The following BIRC6 variants were observed in gnomAD, a reference collection of about 807,000 sequenced individuals.
BIRC6 encodes the protein baculoviral IAP repeat containing 6, also known as dual E2 ubiquitin-conjugating enzyme/E3 ubiquitin-protein ligase BIRC6.
Under a neutral mutation model 503.3 loss-of-function variants are expected in BIRC6, and 98 were observed. The ratio of observed to expected loss-of-function variants is 0.19; its 90% confidence interval spans 0.17 to 0.23. BIRC6 has a LOEUF of 0.23. Ranked by LOEUF, BIRC6 falls within the 10% of genes least tolerant of loss-of-function variation. BIRC6 has a pLI of 1.00. For synonymous variants in BIRC6, 2,240 were observed against 2,078.7 expected (o/e 1.08, Z -2.11); for missense variants, 5,360 against 5,806.0 (o/e 0.92, Z 2.50).
At chr2:32,542,673 A>C (rs2057760493) in intron 61 of BIRC6, among the ~76,000 whole-genome samples, 1 of 152,246 alleles carries the variant, frequency 6.6e-6, no homozygotes, top group Non-Finnish European at 1.5e-5. Context: ...AAGATGTTTA[A>C]ATAGTCTCAA....
chr2:32,384,621 T>C (rs1474076941), intron 3 of BIRC6, among the ~76,000 whole-genome samples: 2 of 152,168 alleles, frequency 1.3e-5, no homozygotes, highest in Non-Finnish European at 2.9e-5. Flanking sequence ...CTGTTCCCCC[T>C]GGGAAATGAC....
At chr2:32,611,397 T>C in intron 72 of BIRC6, 51 bp from the exon 73 acceptor site, 1 of 1,502,358 alleles carries the variant, frequency 6.7e-7, no homozygotes, top group Non-Finnish European at 9.0e-7. Flanking sequence ...TACTGTGTCT[T>C]TTAAATTTGA....
At chr2:32,469,147 T>C (rs1393344807) in intron 29 of BIRC6, among the ~76,000 whole-genome samples, 1 of 152,174 alleles carries the variant, frequency 6.6e-6, no homozygotes, top group Non-Finnish European at 1.5e-5. Context: ...GCTCACACAT[T>C]CACTGACACA....
At chr2:32,426,140 C>T (rs1378920792) in intron 10 of BIRC6, among the ~76,000 whole-genome samples, 3 of 152,166 alleles carry the variant, frequency 2.0e-5, no homozygotes, top group East Asian at 1.9e-4. Context: ...CACTGGTCCC[C>T]GTGTTGATTC....
chr2:32,524,882 T>C lies in BIRC6; in HGVS notation c.11624-6T>C. On this transcript the variant is annotated splice_polypyrimidine_tract_variant and splice_region_variant and intron_variant, in intron 57 of 73. Transcript: ENST00000421745. ...GCAGTGTATTTTAGATAATATCTTC[T>C]TACAGATACTCCAAGTATCACAGCT... 2 of 1,433,576 alleles carry C rather than the reference T, an allele frequency of 1.4e-6. No individual in the cohort carries two copies. Among genetic ancestry groups the C allele is most frequent in the East Asian group, 2.6e-5 (1 of 39,024 alleles). The allele number at this position is 1,433,576 out of a possible 1,614,324, so 88.8% of individuals were successfully genotyped here.
chr2:32,590,373 C>T (rs1158032281), intron 66 of BIRC6, among the ~76,000 whole-genome samples: 1 of 152,128 alleles, frequency 6.6e-6, no homozygotes, highest in East Asian at 1.9e-4. Context: ...CTTCAAATGG[C>T]TCTCCTTTTT....
chr2:32,378,071 G>A (rs72798765), intron 2 of BIRC6, among the ~76,000 whole-genome samples: 3,139 of 152,094 alleles, frequency 0.021, 54 homozygotes, highest in Non-Finnish European at 0.029. Context: ...ATAGTCCAGG[G>A]CTAAGTGTAT....
Position 32,415,022 on chromosome 2 carries a change from T to G in BIRC6, c.1731T>G (p.Ser577=). The change falls in exon 10 of 74, where the codon TCT becomes TCG. Residue 577 remains serine (S), a synonymous_variant. Transcript: ENST00000421745. The part of the protein sequence containing the change: ...LLAGGLLTYK[S]PATSPISSNS... ...CTGGAGGTTTATTAACATATAAATC[T>G]CCTGCTACCTCACCCATTAGTAGTA... is the stretch of plus-strand genomic sequence containing the variant. 1 of 1,613,926 alleles carries G rather than the reference T, an allele frequency of 6.2e-7. No homozygotes were observed. Among genetic ancestry groups the G allele is most frequent in the Non-Finnish European group, 8.5e-7 (1 of 1,179,878 alleles).
At chr2:32,508,950 G>A (rs1377944777) in intron 51 of BIRC6, among the ~76,000 whole-genome samples, 2 of 151,936 alleles carry the variant, frequency 1.3e-5, no homozygotes, top group South Asian at 2.1e-4. Context: ...CGGGCATGGC[G>A]GTGTGCTGCT....
intron 57 of BIRC6, among the ~76,000 whole-genome samples, chr2:32,519,821 A>G (rs2055451315): frequency 6.6e-6 from 1 of 152,146 alleles, no homozygotes; most frequent in Admixed American, 6.5e-5. Flanking sequence ...CCTGGCCCAT[A>G]TCAACTTTAG....
intron 36 of BIRC6, 109 bp from the exon 37 acceptor site, chr2:32,479,353 A>T: frequency 9.6e-7 from 1 of 1,039,116 alleles, no homozygotes. Flanking sequence ...TTTTATAGTT[A>T]GTAGAGCATT....
chr2:32,470,534 T>C (rs1223461907), intron 31 of BIRC6, among the ~76,000 whole-genome samples: 2 of 152,222 alleles, frequency 1.3e-5, no homozygotes, highest in Non-Finnish European at 2.9e-5. Context: ...TTTCCTGTAC[T>C]ATTATAACTA....
intron 53 of BIRC6, among the ~76,000 whole-genome samples, chr2:32,512,712 G>C (rs1391049500): frequency 6.6e-6 from 1 of 152,142 alleles, no homozygotes; most frequent in South Asian, 2.1e-4. Context: ...ACCTTTTGAT[G>C]GTTGAAATTG....
At chr2:32,379,293 T>C (rs907783910) in intron 2 of BIRC6, 4 of 152,164 alleles carry the variant, frequency 2.6e-5, no homozygotes, top group Non-Finnish European at 4.4e-5. Flanking sequence ...TGAACATTTT[T>C]CCCTAATTTA....
In BIRC6 at chr2:32,473,113, T is replaced by C. The variant is rs1297455157; in HGVS notation, c.6594T>C (p.Gly2198=). The part of the protein sequence containing the change: ...EAAAAKKPLN[G]NQWSFINNNL... ...ATACAAGTTTTCCTTCGCCTGTAGG[T>C]AATCAGTGGAGTTTTATTAACAATA... Residue 2198 remains glycine, a splice_region_variant and synonymous_variant, in exon 33 of 74, where the codon GGT becomes GGC. Coordinates refer to ENST00000421745, the MANE Select transcript of BIRC6 (RefSeq NM_016252.4). 2.5e-6 allele frequency: 4 copies of C among 1,572,036 alleles called. No homozygotes were observed. In the African/African-American group the frequency reaches 4.1e-5, roughly 16 times the overall value.
chr2:32,540,672 A>C (rs778390182), intron 61 of BIRC6, among the ~76,000 whole-genome samples: 3 of 152,050 alleles, frequency 2.0e-5, no homozygotes, highest in Non-Finnish European at 4.4e-5. Flanking sequence ...ATTTATGTAA[A>C]TATCAGTTTA....
chr2:32,561,079 T>C (rs1481807451), intron 65 of BIRC6, among the ~76,000 whole-genome samples: 1 of 151,260 alleles, frequency 6.6e-6, no homozygotes, highest in Admixed American at 6.6e-5. Flanking sequence ...GTGCCTGTAG[T>C]CCCAGCTACT....
intron 70 of BIRC6, among the ~76,000 whole-genome samples, chr2:32,600,603 T>C (rs139891988): frequency 1.3e-5 from 2 of 152,304 alleles, no homozygotes; most frequent in African/African-American, 2.4e-5. Flanking sequence ...AATAGCAACA[T>C]TGACTTTACT....
intron 72 of BIRC6, among the ~76,000 whole-genome samples, chr2:32,607,862 G>A (rs112431260): frequency 6.8e-6 from 1 of 147,514 alleles, no homozygotes; most frequent in African/African-American, 2.5e-5. Context: ...GCAGGCGCCT[G>A]TAATCTCAGC....
Sources: allele counts gnomAD v4.1 joint callset (sites outside exome capture counted in the v4.1 genomes callset), GRCh38; gene constraint gnomAD v4.1.1; transcripts MANE v1.5; gene names NCBI Gene and HGNC (gene_info 2026-07-23, HGNC 2026-07-21).